The following HRH2 variants were observed in gnomAD, a reference collection of about 807,000 sequenced individuals.
HRH2 encodes the protein histamine H2 receptor.
A neutral mutation model predicts 20.1 loss-of-function variants in HRH2; 4 were observed. That is an observed-to-expected ratio of 0.20 (90% CI 0.10 to 0.45). The LOEUF is 0.45. Ranked by LOEUF, HRH2 falls within the 20% of genes least tolerant of loss-of-function variation. The pLI is 0.99. For synonymous variants in HRH2, 197 were observed against 200.7 expected (o/e 0.98, Z 0.16); for missense variants, 250 against 461.6 (o/e 0.54, Z 4.20).
chr5:175,669,133 C>T (rs1027541002), intron 1 of HRH2, among the ~76,000 whole-genome samples: 6 of 152,040 alleles, frequency 3.9e-5, no homozygotes, highest in Non-Finnish European at 8.8e-5. Context: ...GCCTGAGCCA[C>T]AGCACCTGGC....
In HRH2 at chr5:175,683,911, C is replaced by A. The variant is rs1330680873; in HGVS notation, c.678C>A (p.Thr226=). 1 of 1,614,054 alleles carries A rather than the reference C, an allele frequency of 6.2e-7. No homozygotes were observed. Among genetic ancestry groups the A allele is most frequent in the African/African-American group, 1.3e-5 (1 of 74,912 alleles). ...INHISSWKAA[T]IREHKATVTL... ...ACATTAGCTCCTGGAAGGCAGCCAC[C>A]ATCAGGGAGCACAAAGCCACAGTGA... Residue 226 remains threonine, a synonymous_variant, in exon 2 of 3, where the codon ACC becomes ACA. Coordinates refer to ENST00000636584, the MANE Select transcript of HRH2 (RefSeq NM_001367711.1).
chr5:175,682,283 A>G (rs552582032), intron 1 of HRH2, among the ~76,000 whole-genome samples: 6 of 152,382 alleles, frequency 3.9e-5, no homozygotes, highest in Non-Finnish European at 8.8e-5. Flanking sequence ...TCAGCACTTC[A>G]GAGGAGTAGA....
chr5:175,704,905 T>G (rs1756897086), intron 2 of HRH2, among the ~76,000 whole-genome samples: 1 of 151,960 alleles, frequency 6.6e-6, no homozygotes, highest in Non-Finnish European at 1.5e-5. Context: ...GGGTGCCTTG[T>G]GATTTTGGTT....
rs952472321 is a variant in HRH2 at position 175,687,212 on chromosome 5, C to T, written c.1076+2903C>T. 6.6e-6 allele frequency among the ~76,000 whole-genome samples: 1 copy of T among 152,192 alleles called. No individual in the cohort carries two copies. Among genetic ancestry groups the T allele is most frequent in the Non-Finnish European group, 1.5e-5 (1 of 68,022 alleles). ...CATGGAGGGCGGAGGGAGCCAAGAA[C>T]AGCCAGAGGTTGATATTCCCACCAA... On this transcript the variant is annotated intron_variant, in intron 2 of 2. Transcript: ENST00000636584. This position sits in a 1 kb window ranked among gnomAD's most constrained non-coding sequence, Gnocchi z 5.2.
At chr5:175,660,056 GCTGATGATTAA>G (rs1200625675) in intron 1 of HRH2, among the ~76,000 whole-genome samples, 5 of 152,106 alleles carry the variant, frequency 3.3e-5, no homozygotes, top group Non-Finnish European at 1.5e-5. Context: ...TCCATCCTAG[GCTGATGATTAA>G]CTACTGACCC....
chr5:175,705,944 G>A (rs1391433866), intron 2 of HRH2, among the ~76,000 whole-genome samples: 4 of 152,106 alleles, frequency 2.6e-5, no homozygotes, highest in African/African-American at 7.2e-5. Flanking sequence ...TTGGCCTCCC[G>A]AAGTGCTAGG....
chr5:175,685,805 G>A (rs996345975), intron 2 of HRH2: 31 of 375,980 alleles, frequency 8.2e-5, no homozygotes, highest in East Asian at 3.1e-4. Flanking sequence ...ACGCTGGAGC[G>A]CTGAGCATCA....
At chr5:175,676,002 A>G (rs562318065) in intron 1 of HRH2, among the ~76,000 whole-genome samples, 32 of 149,782 alleles carry the variant, frequency 2.1e-4, no homozygotes, top group Non-Finnish European at 4.2e-4. Flanking sequence ...ATGCGTGGGT[A>G]CGCACACGTG....
At chr5:175,660,199 A>T (rs750616050) in intron 1 of HRH2, among the ~76,000 whole-genome samples, 8 of 152,228 alleles carry the variant, frequency 5.3e-5, no homozygotes, top group Non-Finnish European at 1.0e-4. Context: ...CTAGAGGAAG[A>T]AATCCCTGAT....
intron 2 of HRH2, among the ~76,000 whole-genome samples, chr5:175,689,634 T>C (rs1386228409): frequency 6.6e-6 from 1 of 152,190 alleles, no homozygotes; most frequent in Non-Finnish European, 1.5e-5. Context: ...CTTTTTAGCT[T>C]GGATGTCACA....
chr5:175,698,574 G>A (rs183899213), intron 2 of HRH2, among the ~76,000 whole-genome samples: 24 of 152,272 alleles, frequency 1.6e-4, no homozygotes, highest in Admixed American at 7.2e-4. Context: ...CTTGCCAGTC[G>A]CTTATTCATT....
intron 1 of HRH2, 85 bp from the exon 2 acceptor site, chr5:175,682,624 G>A (rs1355706715): frequency 6.5e-6 from 1 of 152,990 alleles, no homozygotes; most frequent in East Asian, 1.9e-4. Flanking sequence ...AAGAGGTTGA[G>A]ATCTAGTAGA....
Position 175,683,269 on chromosome 5 carries a change from G to C in HRH2, c.36G>C (p.Leu12=). The change falls in exon 2 of 3, where the codon CTG becomes CTC. Residue 12 remains leucine, a synonymous_variant. Coordinates refer to ENST00000636584, the MANE Select transcript of HRH2 (RefSeq NM_001367711.1). ...APNGTASSFC[L]DSTACKITIT... ...ATGGCACAGCCTCTTCCTTTTGCCT[G>C]GACTCTACCGCATGCAAGATCACCA... The C allele has an allele frequency of 6.2e-7, 1 of 1,614,086 alleles. No individual in the cohort carries two copies. The highest frequency in any genetic ancestry group is 8.5e-7 in the Non-Finnish European group (1 of 1,180,014).
chr5:175,677,322 A>G lies in HRH2; in HGVS notation c.-525-5387A>G, dbSNP rs1244679628. ...TTTATGCAGTCATTCACTGATGGAC[A>G]TGTAGGTTGATTCCATATCTTAGCT... On this transcript the variant is annotated intron_variant, in intron 1 of 2. Coordinates refer to ENST00000636584, the MANE Select transcript of HRH2 (RefSeq NM_001367711.1). This position sits in a 1 kb window ranked among gnomAD's most constrained non-coding sequence, Gnocchi z 4.2. Among the ~76,000 whole-genome samples, 1 of 152,222 alleles carries G rather than the reference A, an allele frequency of 6.6e-6. No individual in the cohort carries two copies. Among genetic ancestry groups the G allele is most frequent in the East Asian group, 1.9e-4 (1 of 5,196 alleles).
intron 1 of HRH2, among the ~76,000 whole-genome samples, chr5:175,673,799 G>A (rs1056295182): frequency 1.6e-4 from 24 of 151,802 alleles, no homozygotes; most frequent in African/African-American, 5.6e-4. Context: ...CGCCCCCCTG[G>A]GTTTAAGCCA....
chr5:175,680,590 G>A (rs1231695008), intron 1 of HRH2, among the ~76,000 whole-genome samples: 1 of 152,206 alleles, frequency 6.6e-6, no homozygotes, highest in African/African-American at 2.4e-5. Flanking sequence ...GACAATGACG[G>A]TGACAAGGGT....
intron 2 of HRH2, chr5:175,685,280 C>A: frequency 1.3e-6 from 1 of 785,536 alleles, no homozygotes; most frequent in South Asian, 2.0e-5. Flanking sequence ...CGAGGAAGCT[C>A]GCTGTGAGGA....
intron 1 of HRH2, among the ~76,000 whole-genome samples, chr5:175,674,097 G>T (rs1303528902): frequency 6.6e-6 from 1 of 152,218 alleles, no homozygotes; most frequent in Non-Finnish European, 1.5e-5. Flanking sequence ...GCAGCTTCAG[G>T]TTCCCACATC....
rs903882463 is a variant in HRH2, at chr5:175,693,983, A to G, written c.1076+9674A>G. ...AGAGCTCTGAAGGCTGACCTCCCCA[A>G]TTTGCTGGCTGGCTGACCTGGAGCG... On this transcript the variant is annotated intron_variant, in intron 2 of 2. Transcript: ENST00000636584. The surrounding 1 kb of genome is among the most constrained non-coding windows in gnomAD (Gnocchi z 4.4). Among the ~76,000 whole-genome samples the G allele has an allele frequency of 3.3e-5, 5 of 152,130 alleles. No individual in the cohort carries two copies. The highest frequency in any genetic ancestry group is 4.2e-4 in the South Asian group (2 of 4,810).
Sources: gnomAD v4.1 joint callset for allele counts (sites outside exome capture counted in the v4.1 genomes callset) on GRCh38, gnomAD v4.1.1 for gene constraint, Gnocchi (gnomAD v3.1) non-coding constraint, MANE v1.5 for transcripts, NCBI Gene and HGNC (gene_info 2026-07-23, HGNC 2026-07-21) for gene names.